Variants in UBE2R2 observed in about 807,000 individuals in gnomAD.
The protein encoded by UBE2R2 is ubiquitin conjugating enzyme E2 R2, also known as ubiquitin-conjugating enzyme E2 R2.
A neutral mutation model predicts 27.8 loss-of-function variants in UBE2R2; 1 was observed. That is an observed-to-expected ratio of 0.04 (90% CI 0.01 to 0.17). The LOEUF (loss-of-function observed/expected upper bound fraction) is 0.17, where lower values mean the gene tolerates loss of function less well. Ranked by LOEUF, UBE2R2 falls within the 10% of genes least tolerant of loss-of-function variation. The pLI, the probability that UBE2R2 is intolerant of heterozygous loss-of-function variation, is 1.00. For synonymous variants in UBE2R2, 106 were observed against 113.3 expected, an observed-to-expected ratio of 0.94 and a Z score of 0.41; for missense variants, 100 against 291.0, an observed-to-expected ratio of 0.34 and a Z score of 4.78.
At chr9:33,844,189 T>C (rs892218874) in intron 1 of UBE2R2, among the ~76,000 whole-genome samples, 14 of 146,200 alleles carry the variant, frequency 9.6e-5, no homozygotes, top group Admixed American at 5.4e-4. Flanking sequence ...ATAAGCCTTT[T>C]TCTGTTCCAC....
chr9:33,903,394 G>A lies in UBE2R2; in HGVS notation c.362+3123G>A, dbSNP rs183831830. ...TGATTCTTGGTTTTGCTGGTTGAAC[G>A]TTGAATCAAATGCTTACACCCTCTC... On this transcript the variant is annotated intron_variant, in intron 3 of 4. Coordinates refer to ENST00000263228, the MANE Select transcript of UBE2R2 (RefSeq NM_017811.4). Among the ~76,000 whole-genome samples, 1,495 of 152,218 alleles carry A rather than the reference G, an allele frequency of 9.8e-3. 15 individuals are homozygous for A. The highest frequency in any genetic ancestry group is 0.014 in the Middle Eastern group (4 of 294).
rs768337761 is a variant in UBE2R2 at position 33,917,373 on chromosome 9, C to G, written c.*136C>G. 26 of 1,343,368 alleles carry G rather than the reference C, an allele frequency of 1.9e-5. No individual in the cohort carries two copies. The highest frequency in any genetic ancestry group is 2.4e-5 in the Non-Finnish European group (24 of 991,330). 83.2% of individuals were successfully genotyped at this position (1,343,368 alleles called of 1,614,324 possible). On this transcript the variant is annotated 3_prime_UTR_variant, in exon 5 of 5. Transcript: ENST00000263228. ...GAAACACACACAGCTCCTGCTGACT[C>G]CCCTTATGGATCTCAGTTTGCTCCT...
intron 1 of UBE2R2, among the ~76,000 whole-genome samples, chr9:33,819,253 C>T (rs1482816390): frequency 2.0e-5 from 3 of 152,096 alleles, no homozygotes; most frequent in Non-Finnish European, 4.4e-5. Flanking sequence ...TACCCAATTA[C>T]TTAACTCTTG....
intron 1 of UBE2R2, among the ~76,000 whole-genome samples, chr9:33,858,680 A>G (rs1000626665): frequency 6.6e-6 from 1 of 152,078 alleles, no homozygotes; most frequent in Non-Finnish European, 1.5e-5. Context: ...TTCTGGGATT[A>G]CAGGCATGAG....
intron 1 of UBE2R2, among the ~76,000 whole-genome samples, chr9:33,837,895 C>T (rs1422378683): frequency 6.6e-6 from 1 of 152,022 alleles, no homozygotes; most frequent in Non-Finnish European, 1.5e-5. Flanking sequence ...TGTCGTTTCT[C>T]CTATTAACTC....
chr9:33,913,355 C>T (rs1219118535), intron 4 of UBE2R2, among the ~76,000 whole-genome samples: 1 of 152,092 alleles, frequency 6.6e-6, no homozygotes, highest in Non-Finnish European at 1.5e-5. Flanking sequence ...AATTCCCGGG[C>T]TCAGGCAGTC....
At chr9:33,911,277 A>AG (rs1393269547) in intron 3 of UBE2R2, among the ~76,000 whole-genome samples, 1 of 150,202 alleles carries the variant, frequency 6.7e-6, no homozygotes, top group Non-Finnish European at 1.5e-5. Flanking sequence ...GCATGGTGGC[A>AG]GGCGCCTGTA....
intron 1 of UBE2R2, among the ~76,000 whole-genome samples, chr9:33,839,188 G>A (rs964768719): frequency 6.6e-6 from 1 of 152,138 alleles, no homozygotes; most frequent in Non-Finnish European, 1.5e-5. Flanking sequence ...GCTTTTGGGA[G>A]GTGATTACGT....
intron 4 of UBE2R2, among the ~76,000 whole-genome samples, chr9:33,912,827 G>A (rs1300886110): frequency 6.6e-6 from 1 of 151,906 alleles, no homozygotes; most frequent in Non-Finnish European, 1.5e-5. Flanking sequence ...TTTCTCCTCT[G>A]TATAAAATGG....
At chr9:33,843,687 C>T (rs922886985) in intron 1 of UBE2R2, among the ~76,000 whole-genome samples, 2 of 152,114 alleles carry the variant, frequency 1.3e-5, no homozygotes, top group Admixed American at 1.3e-4. Flanking sequence ...CCATGTTGTC[C>T]AGGCTGATCT....
intron 1 of UBE2R2, among the ~76,000 whole-genome samples, chr9:33,845,394 C>G (rs1372269100): frequency 6.6e-6 from 1 of 151,688 alleles, no homozygotes; most frequent in Non-Finnish European, 1.5e-5. Context: ...CTACAGGCGC[C>G]CGCCACCACA....
At chr9:33,903,692 T>C (rs1037215294) in intron 3 of UBE2R2, among the ~76,000 whole-genome samples, 5 of 152,218 alleles carry the variant, frequency 3.3e-5, no homozygotes, top group African/African-American at 1.2e-4. Context: ...TTTATACTTA[T>C]CTGCCCATCT....
intron 2 of UBE2R2, among the ~76,000 whole-genome samples, chr9:33,890,135 T>TGAAAA (rs1257166515): frequency 1.5e-5 from 2 of 129,370 alleles, no homozygotes; most frequent in Non-Finnish European, 3.8e-5. Flanking sequence ...CCCTTTCCAC[T>TGAAAA]TTTTTTTCAG....
At chr9:33,880,982 G>C (rs1453180529) in intron 1 of UBE2R2, among the ~76,000 whole-genome samples, 2 of 152,142 alleles carry the variant, frequency 1.3e-5, no homozygotes, top group Non-Finnish European at 2.9e-5. Context: ...AAAAGGGTTG[G>C]GGACTGCTGC....
At chr9:33,904,085 C>T (rs1007199145) in intron 3 of UBE2R2, among the ~76,000 whole-genome samples, 11 of 152,134 alleles carry the variant, frequency 7.2e-5, no homozygotes, top group African/African-American at 1.9e-4. Flanking sequence ...GAACTCTGAG[C>T]GGAAGTCAGG....
intron 3 of UBE2R2, among the ~76,000 whole-genome samples, chr9:33,911,402 C>CAAAAAAAAAAAAAAAAAAAA (rs60526576): frequency 3.8e-5 from 2 of 53,208 alleles, no homozygotes; most frequent in Non-Finnish European, 6.4e-5. Flanking sequence ...AACTCCATCT[C>CAAAAAAAAAAAAAAAAAAAA]AAAAAAAAAA....
intron 3 of UBE2R2, among the ~76,000 whole-genome samples, chr9:33,902,404 A>G (rs1276127898): frequency 6.6e-6 from 1 of 152,180 alleles, no homozygotes; most frequent in African/African-American, 2.4e-5. Context: ...TGTTGATAGA[A>G]TTTAAGTGAA....
rs1487300424 is a variant in UBE2R2, at chr9:33,847,031, T to C, written c.177+29097T>C. ...TTTTGAAGGTTTTTTTTTTTCTGGATATAAAATTATAGGCTGGGTTTTTTT... is the reference window on the plus strand; with the variant it reads ...TTTTGAAGGTTTTTTTTTTTCTGGACATAAAATTATAGGCTGGGTTTTTTT... On this transcript the variant is annotated intron_variant, in intron 1 of 4. Transcript: ENST00000263228. Among the ~76,000 whole-genome samples, 4 of 150,626 alleles carry C rather than the reference T, an allele frequency of 2.7e-5. 1 individual carries two copies. In the East Asian group the frequency reaches 7.8e-4, roughly 29 times the overall value.
intron 1 of UBE2R2, among the ~76,000 whole-genome samples, chr9:33,857,459 C>T (rs1821132902): frequency 6.6e-6 from 1 of 152,038 alleles, no homozygotes; most frequent in Admixed American, 6.6e-5. Context: ...GCTGGAATTA[C>T]AGGTGTGCGC....
Sources: allele counts gnomAD v4.1 joint callset (sites outside exome capture counted in the v4.1 genomes callset), GRCh38; gene constraint gnomAD v4.1.1; transcripts MANE v1.5; gene names NCBI Gene and HGNC (gene_info 2026-07-23, HGNC 2026-07-21).